ABCC4: variants seen among roughly 807,000 people sequenced by gnomAD.
ABCC4 encodes ATP-binding cassette sub-family C member 4.
In ABCC4, 102 loss-of-function variants were observed where a neutral mutation model predicts 168.5. The ratio of observed to expected loss-of-function variants is 0.61; its 90% CI spans 0.52 to 0.71. The LOEUF is 0.71. ABCC4 is among the 30% of genes least tolerant of loss of function. The pLI, the probability that ABCC4 is intolerant of heterozygous loss-of-function variation, is 0.00. For synonymous variants in ABCC4, 617 were observed against 590.7 expected (o/e 1.04, Z -0.65); for missense variants, 1,402 against 1,605.8 (o/e 0.87, Z 2.17).
intron 13 of ABCC4, among the ~76,000 whole-genome samples, chr13:95,173,637 G>C (rs1447717731): frequency 6.6e-6 from 1 of 152,266 alleles, no homozygotes; most frequent in African/African-American, 2.4e-5. Flanking sequence ...GACTGCAAAG[G>C]GCAATTTGCC....
At chr13:95,063,129 A>G (rs2033366950) in intron 25 of ABCC4, among the ~76,000 whole-genome samples, 1 of 152,106 alleles carries the variant, frequency 6.6e-6, no homozygotes, top group Non-Finnish European at 1.5e-5. Context: ...AAATGATACC[A>G]CCAAAAATGT....
At chr13:95,146,940 G>A (rs2036519035) in intron 19 of ABCC4, among the ~76,000 whole-genome samples, 1 of 152,208 alleles carries the variant, frequency 6.6e-6, no homozygotes, top group Non-Finnish European at 1.5e-5. Context: ...AACATTCAAG[G>A]GTGGGGCAAA....
intron 11 of ABCC4, among the ~76,000 whole-genome samples, chr13:95,185,197 A>C (rs2038019329): frequency 6.6e-6 from 1 of 152,244 alleles, no homozygotes; most frequent in Non-Finnish European, 1.5e-5. Flanking sequence ...AAATCATGGC[A>C]AAAGATTAAA....
At chr13:95,206,906 A>G in intron 7 of ABCC4, 125 bp from the exon 8 acceptor site, 3 of 1,062,022 alleles carry the variant, frequency 2.8e-6, no homozygotes, top group Non-Finnish European at 4.1e-6. Flanking sequence ...GTTTGAGACC[A>G]TCCTGGGCAA....
At chr13:95,240,128 G>A (rs2138778479) in intron 3 of ABCC4, among the ~76,000 whole-genome samples, 1 of 152,330 alleles carries the variant, frequency 6.6e-6, no homozygotes, top group East Asian at 1.9e-4. Context: ...AGATGGACAT[G>A]TTAAATGATA....
At chr13:95,038,881 G>C (rs2032241038) in intron 29 of ABCC4, among the ~76,000 whole-genome samples, 1 of 152,158 alleles carries the variant, frequency 6.6e-6, no homozygotes, top group Non-Finnish European at 1.5e-5. Context: ...GAGGTATAGG[G>C]ATGCTAGGAT....
chr13:95,127,074 T>C (rs967321247), intron 19 of ABCC4, among the ~76,000 whole-genome samples: 1 of 151,764 alleles, frequency 6.6e-6, no homozygotes, highest in Non-Finnish European at 1.5e-5. Context: ...ATCTTCATCT[T>C]AGGGGGAATG....
rs1405464509 is a variant in ABCC4 at position 95,019,959 on chromosome 13, A to G, written c.*1616T>C. On this transcript the variant is annotated 3_prime_UTR_variant, in exon 31 of 31. Coordinates refer to ENST00000645237, the MANE Select transcript of ABCC4 (RefSeq NM_005845.5). The stretch of plus-strand genomic sequence containing the variant: ...TAACCTCAAAAGTCCAAATAAACAT[A>G]TAGACATTTTGAATATAGCTATCGT... 1 of 152,268 alleles carries G rather than the reference A, an allele frequency of 6.6e-6. No individual in the cohort carries two copies. The highest frequency in any genetic ancestry group is 1.5e-5 in the Non-Finnish European group (1 of 68,046). The allele number at this position is 152,268 out of a possible 1,614,324, so 9.4% of individuals were successfully genotyped here. A position where few individuals can be genotyped will look rare whatever the true frequency, so the allele number is the denominator to read the frequency against.
intron 21 of ABCC4, among the ~76,000 whole-genome samples, chr13:95,081,407 C>T (rs901684016): frequency 2.6e-5 from 4 of 152,174 alleles, no homozygotes; most frequent in Non-Finnish European, 5.9e-5. Flanking sequence ...ATTTCATGAG[C>T]GGGCCCAAAC....
intron 26 of ABCC4, among the ~76,000 whole-genome samples, chr13:95,061,874 C>T (rs932911277): frequency 1.3e-5 from 2 of 152,064 alleles, no homozygotes; most frequent in African/African-American, 4.8e-5. Flanking sequence ...ATAGTAATTA[C>T]TCAATGAATA....
At position 95,163,615 on chromosome 13, in the gene ABCC4, T is replaced by G. The variant is rs773206407; in HGVS notation, c.2208A>C (p.Ser736=). 4.3e-6 allele frequency: 7 copies of G among 1,612,458 alleles called. No homozygotes were observed. The highest frequency in any genetic ancestry group is 5.9e-6 in the Non-Finnish European group (7 of 1,178,896). The change falls in exon 17 of 31, where the codon TCA becomes TCC. Residue 736 remains serine (S), a synonymous_variant. Transcript: ENST00000645237. ...VAYVLQDWWL[S]YWANKQSMLN... Reference sequence around the variant, plus strand: ...TCAGACCAGAAATAACTTACCAGTATGAAAGCCACCAATCTTGAAGCACAT... The same window carrying G: ...TCAGACCAGAAATAACTTACCAGTAGGAAAGCCACCAATCTTGAAGCACAT...
At chr13:95,214,572 T>C (rs1238931928) in intron 4 of ABCC4, among the ~76,000 whole-genome samples, 3 of 151,870 alleles carry the variant, frequency 2.0e-5, no homozygotes, top group Non-Finnish European at 4.4e-5. Flanking sequence ...CAGAACAATA[T>C]TTACAGTGCT....
Position 95,194,900 on chromosome 13 carries a change from C to T in ABCC4, c.1199G>A (p.Arg400His), listed in dbSNP as rs761410807. The T allele has an allele frequency of 6.2e-6, 10 of 1,613,944 alleles. No homozygotes were observed. The highest frequency in any genetic ancestry group is 4.5e-5 in the East Asian group (2 of 44,882). Residue 400 changes from arginine (R) to histidine (H), a missense_variant, in exon 9 of 31, where the codon CGT becomes CAT. Transcript: ENST00000645237. ...CTTTTTACCATCTGACGGCAGCTGACGGTTGCGCTGTGATATCTCATCAAG... is the reference window on the plus strand; with the variant it reads ...CTTTTTACCATCTGACGGCAGCTGATGGTTGCGCTGTGATATCTCATCAAG... ...LLLDEISQRN[R>H]QLPSDGKKMV...
intron 26 of ABCC4, among the ~76,000 whole-genome samples, chr13:95,054,752 C>T (rs189829375): frequency 6.6e-6 from 1 of 152,266 alleles, no homozygotes; most frequent in African/African-American, 2.4e-5. Flanking sequence ...GGCCTCAAAT[C>T]TCACCTGGCT....
chr13:95,243,662 C>T (rs761076687), intron 3 of ABCC4, among the ~76,000 whole-genome samples: 1 of 152,002 alleles, frequency 6.6e-6, no homozygotes, highest in Non-Finnish European at 1.5e-5. Context: ...CGAGGTGGGC[C>T]GATGGCTTGA....
intron 30 of ABCC4, among the ~76,000 whole-genome samples, chr13:95,034,395 G>A (rs529818089): frequency 1.3e-5 from 2 of 152,170 alleles, no homozygotes; most frequent in Admixed American, 6.5e-5. Flanking sequence ...GCACACACTC[G>A]ACCCCCCAAC....
At chr13:95,029,180 A>ATC (rs1566355114) in intron 30 of ABCC4, among the ~76,000 whole-genome samples, 7,003 of 40,604 alleles carry the variant, frequency 0.17, 355 homozygotes, top group African/African-American at 0.21. Flanking sequence ...ATATATATAT[A>ATC]TATATATATA....
intron 20 of ABCC4, among the ~76,000 whole-genome samples, chr13:95,111,265 G>C (rs762588404): frequency 9.9e-5 from 15 of 152,170 alleles, no homozygotes; most frequent in Non-Finnish European, 1.5e-4. Flanking sequence ...GTTCAAAGCT[G>C]TTACAAGTTT....
At chr13:95,232,578 G>A (rs61972719) in intron 4 of ABCC4, among the ~76,000 whole-genome samples, 25 of 151,704 alleles carry the variant, frequency 1.6e-4, no homozygotes, top group Admixed American at 4.0e-4. Flanking sequence ...TCGGCAGGCT[G>A]AGGCAGAAGA....
Sources: gnomAD v4.1 joint callset for allele counts (sites outside exome capture counted in the v4.1 genomes callset) on GRCh38, gnomAD v4.1.1 for gene constraint, MANE v1.5 for transcripts, NCBI Gene and HGNC (gene_info 2026-07-23, HGNC 2026-07-21) for gene names.